Variants in GALNTL6 observed in about 807,000 individuals in gnomAD.
The protein encoded by GALNTL6 is polypeptide N-acetylgalactosaminyltransferase-like 6.
In GALNTL6, 46 loss-of-function variants were observed where a neutral mutation model predicts 73.7. The ratio of observed to expected loss-of-function variants is 0.62; its 90% CI spans 0.49 to 0.80. The LOEUF is 0.80. GALNTL6 is among the 30% of genes least tolerant of loss of function. The pLI is 0.00. For missense variants in GALNTL6, 604 were observed against 755.0 expected (o/e 0.80, Z 2.34); for synonymous variants, 259 against 263.7 (o/e 0.98, Z 0.17).
At chr4:172,896,846 C>T (rs764533056) in intron 8 of GALNTL6, among the ~76,000 whole-genome samples, 4 of 152,122 alleles carry the variant, frequency 2.6e-5, no homozygotes, top group Non-Finnish European at 4.4e-5. Flanking sequence ...TCCTGATTGC[C>T]GCAGGAGAGC....
chr4:171,906,647 G>A (rs1167777638), intron 2 of GALNTL6, among the ~76,000 whole-genome samples: 9 of 152,288 alleles, frequency 5.9e-5, no homozygotes, highest in African/African-American at 2.2e-4. Flanking sequence ...CATTTTATGA[G>A]GCCAGCATCA....
intron 7 of GALNTL6, among the ~76,000 whole-genome samples, chr4:172,860,333 G>A (rs1464781038): frequency 6.6e-6 from 1 of 152,094 alleles, no homozygotes; most frequent in East Asian, 1.9e-4. Context: ...AAATTAGACA[G>A]CTTTTGTTTT....
intron 5 of GALNTL6, chr4:172,379,920 G>C: frequency 1.7e-6 from 1 of 591,074 alleles, no homozygotes; most frequent in Non-Finnish European, 3.1e-6. Context: ...AAGAAGTCTG[G>C]GCTTTTATTC....
intron 2 of GALNTL6, among the ~76,000 whole-genome samples, chr4:172,073,010 T>G (rs1402876257): frequency 6.6e-6 from 1 of 152,172 alleles, no homozygotes. Flanking sequence ...TCGATTCTCC[T>G]CTCTCCGTTT....
intron 7 of GALNTL6, among the ~76,000 whole-genome samples, chr4:172,868,982 C>T (rs1744792474): frequency 6.6e-6 from 1 of 152,140 alleles, no homozygotes; most frequent in Admixed American, 6.5e-5. Context: ...GGCTGACATG[C>T]TGCATGACAA....
At chr4:171,917,686 C>T (rs1388849769) in intron 2 of GALNTL6, among the ~76,000 whole-genome samples, 5 of 151,980 alleles carry the variant, frequency 3.3e-5, no homozygotes, top group African/African-American at 9.7e-5. Context: ...AGTCCCAAAA[C>T]GATTTCTGGG....
rs549919798 is a variant in GALNTL6 at position 172,017,819 on chromosome 4, G to A, written c.138+203101G>A. ...CATTGGGGCTACTAGGCTCTGGGCTGGTGCTGGGGAATGCCTGCAAAGAGT... is the reference window on the plus strand; with the variant it reads ...CATTGGGGCTACTAGGCTCTGGGCTAGTGCTGGGGAATGCCTGCAAAGAGT... On this transcript the variant is annotated intron_variant, in intron 2 of 12. Coordinates refer to ENST00000506823, the MANE Select transcript of GALNTL6 (RefSeq NM_001034845.3). 2.0e-4 allele frequency among the ~76,000 whole-genome samples: 30 copies of A among 152,190 alleles called. No homozygotes were observed. In the South Asian group the frequency reaches 2.3e-3, roughly 12 times the overall value.
intron 5 of GALNTL6, among the ~76,000 whole-genome samples, chr4:172,623,203 G>A (rs930756753): frequency 6.6e-6 from 1 of 152,102 alleles, no homozygotes; most frequent in Non-Finnish European, 1.5e-5. Context: ...GTTTTACTGA[G>A]CTATGAAGAT....
chr4:171,939,769 A>G (rs1330219496), intron 2 of GALNTL6, among the ~76,000 whole-genome samples: 2 of 152,150 alleles, frequency 1.3e-5, no homozygotes, highest in Non-Finnish European at 2.9e-5. Context: ...TCAGGATCAA[A>G]GTTAGATTAT....
chr4:172,954,719 C>A, intron 10 of GALNTL6, among the ~76,000 whole-genome samples: 1 of 152,172 alleles, frequency 6.6e-6, no homozygotes, highest in East Asian at 1.9e-4. Context: ...CATCTCACCT[C>A]AGCCTCCCCA....
At chr4:172,054,780 T>G (rs1035488894) in intron 2 of GALNTL6, among the ~76,000 whole-genome samples, 3 of 152,170 alleles carry the variant, frequency 2.0e-5, no homozygotes, top group Non-Finnish European at 4.4e-5. Flanking sequence ...TAAATAATGA[T>G]TCTTGTCAAA....
At chr4:171,897,284 A>G (rs1239565937) in intron 2 of GALNTL6, among the ~76,000 whole-genome samples, 1 of 152,218 alleles carries the variant, frequency 6.6e-6, no homozygotes, top group Admixed American at 6.5e-5. Flanking sequence ...ATGTAAAATA[A>G]GGAACCTCTA....
At chr4:172,963,436 C>A (rs573909973) in intron 10 of GALNTL6, among the ~76,000 whole-genome samples, 3 of 152,292 alleles carry the variant, frequency 2.0e-5, no homozygotes, top group Non-Finnish European at 2.9e-5. Flanking sequence ...TATCATGTTT[C>A]TCATCTATCT....
chr4:172,827,837 T>C (rs946811413), intron 7 of GALNTL6, among the ~76,000 whole-genome samples: 1 of 152,050 alleles, frequency 6.6e-6, no homozygotes, highest in African/African-American at 2.4e-5. Flanking sequence ...AATAATACTT[T>C]CTTTCAAAAA....
chr4:172,015,525 G>A (rs747636614), intron 2 of GALNTL6, among the ~76,000 whole-genome samples: 12 of 152,056 alleles, frequency 7.9e-5, no homozygotes, highest in Non-Finnish European at 1.3e-4. Flanking sequence ...TTTAAGTGAA[G>A]CATTTGGACC....
intron 5 of GALNTL6, among the ~76,000 whole-genome samples, chr4:172,681,531 G>A: frequency 6.6e-6 from 1 of 152,162 alleles, no homozygotes; most frequent in African/African-American, 2.4e-5. Context: ...TCTTATATTG[G>A]TATAATACTT....
At chr4:171,969,739 A>C (rs1739502918) in intron 2 of GALNTL6, among the ~76,000 whole-genome samples, 1 of 151,100 alleles carries the variant, frequency 6.6e-6, no homozygotes, top group African/African-American at 2.4e-5. Flanking sequence ...AGGCAAACAT[A>C]GGCTACATAT....
At chr4:172,478,839 A>G (rs1486547915) in intron 5 of GALNTL6, among the ~76,000 whole-genome samples, 2 of 152,202 alleles carry the variant, frequency 1.3e-5, no homozygotes, top group African/African-American at 4.8e-5. Flanking sequence ...AATCTCATTA[A>G]AAGTAGGCAA....
chr4:172,879,893 G>C (rs561460030), intron 7 of GALNTL6, among the ~76,000 whole-genome samples: 1 of 152,024 alleles, frequency 6.6e-6, no homozygotes, highest in South Asian at 2.1e-4. Context: ...GGAAAAAAGA[G>C]AAATGATACA....
Sources: allele counts gnomAD v4.1 joint callset (sites outside exome capture counted in the v4.1 genomes callset), GRCh38; gene constraint gnomAD v4.1.1; transcripts MANE v1.5; gene names NCBI Gene and HGNC (gene_info 2026-07-23, HGNC 2026-07-21).